Variants in ARAP2 observed in about 807,000 individuals in gnomAD.
ARAP2 encodes the protein arf-GAP with Rho-GAP domain, ANK repeat and PH domain-containing protein 2.
A neutral mutation model predicts 194.5 loss-of-function variants in ARAP2; 148 were observed. The ratio of observed to expected loss-of-function variants is 0.76; its 90% confidence interval spans 0.67 to 0.87. The LOEUF (loss-of-function observed/expected upper bound fraction) is 0.87, where lower values mean the gene tolerates loss of function less well. ARAP2 is among the 40% of genes least tolerant of loss of function. The probability of loss-of-function intolerance (pLI) is 0.00; values close to 1 mark genes in which losing one functional copy is unlikely to be tolerated. For missense variants in ARAP2, 2,128 were observed against 1,989.7 expected (o/e 1.07, Z -1.32); for synonymous variants, 695 against 683.5 (o/e 1.02, Z -0.26).
rs1414783155 is a variant in ARAP2, at chr4:36,229,591, G to GA, written c.-106dup. On this transcript the variant is annotated 5_prime_UTR_variant, in exon 2 of 33. Transcript: ENST00000303965. ...GGCTTTTCCTCTATCAATTGTGACA[G>GA]AAAAGTTTCTTAAAATGTTATTTTC... 2 of 878,042 alleles carry GA rather than the reference G, an allele frequency of 2.3e-6. No individual in the cohort carries two copies. The highest frequency in any genetic ancestry group is 3.4e-6 in the Non-Finnish European group (2 of 591,924). 54.4% of individuals were successfully genotyped at this position (878,042 alleles called of 1,614,324 possible).
intron 19 of ARAP2, among the ~76,000 whole-genome samples, chr4:36,140,778 C>T (rs1728130925): frequency 6.6e-6 from 1 of 151,570 alleles, no homozygotes; most frequent in East Asian, 1.9e-4. Flanking sequence ...AGTGTTTATT[C>T]CCCAGTATTA....
intron 6 of ARAP2, among the ~76,000 whole-genome samples, chr4:36,204,823 T>C (rs1476223541): frequency 1.3e-5 from 2 of 151,580 alleles, no homozygotes; most frequent in Admixed American, 6.6e-5. Flanking sequence ...ACCCCGTCTC[T>C]ACTAAAAATA....
intron 28 of ARAP2, among the ~76,000 whole-genome samples, chr4:36,085,146 T>C (rs1315461572): frequency 2.6e-5 from 4 of 152,204 alleles, no homozygotes; most frequent in Middle Eastern, 3.4e-3. Flanking sequence ...TTGCCTTGTC[T>C]TTTTAAATTA....
At chr4:36,020,801 T>C (rs1716798733) in intron 5 of ARAP2, among the ~76,000 whole-genome samples, 1 of 152,198 alleles carries the variant, frequency 6.6e-6, no homozygotes, top group African/African-American at 2.4e-5. Context: ...GGAGATGATA[T>C]CTAAGGCATG....
At chr4:36,169,739 G>T (rs565723138) in intron 9 of ARAP2, among the ~76,000 whole-genome samples, 1 of 152,146 alleles carries the variant, frequency 6.6e-6, no homozygotes, top group South Asian at 2.1e-4. Flanking sequence ...TCACCATGTT[G>T]GCCAAGATGG....
At chr4:36,188,504 C>T (rs968185202) in intron 7 of ARAP2, among the ~76,000 whole-genome samples, 2 of 152,022 alleles carry the variant, frequency 1.3e-5, no homozygotes, top group Non-Finnish European at 2.9e-5. Flanking sequence ...TTAATTTTAA[C>T]CAGATAGACA....
At chr4:36,086,614 G>T (rs1363886568) in intron 28 of ARAP2, among the ~76,000 whole-genome samples, 1 of 152,084 alleles carries the variant, frequency 6.6e-6, no homozygotes, top group African/African-American at 2.4e-5. Flanking sequence ...AACTTACAGA[G>T]AATTTCTCCA....
At chr4:36,020,419 A>G (rs73121794) in intron 5 of ARAP2, among the ~76,000 whole-genome samples, 13,373 of 143,488 alleles carry the variant, frequency 0.093, 1,360 homozygotes, top group African/African-American at 0.26. Flanking sequence ...CCCCGCCCCC[A>G]CCTAAAAAAA....
At chr4:36,087,319 T>C (rs1259227847) in intron 28 of ARAP2, among the ~76,000 whole-genome samples, 1 of 152,070 alleles carries the variant, frequency 6.6e-6, no homozygotes, top group Non-Finnish European at 1.5e-5. Context: ...TTTCAAAATG[T>C]AAAAATTAAA....
Position 36,149,369 on chromosome 4 carries a change from T to C in ARAP2, c.2898-862A>G, listed in dbSNP as rs530044235. Among the ~76,000 whole-genome samples the C allele has an allele frequency of 2.8e-4, 43 of 152,298 alleles. 1 individual carries two copies. In the South Asian group the frequency reaches 6.6e-3, roughly 23 times the overall value. On this transcript the variant is annotated intron_variant, in intron 16 of 32. Coordinates refer to ENST00000303965, the MANE Select transcript of ARAP2 (RefSeq NM_015230.4). ...CTTCCTCTAGTTAAATTCTCAACAA[T>C]TAGTCTCTCTTCCTCCAATCTCCTT...
intron 9 of ARAP2, among the ~76,000 whole-genome samples, chr4:36,171,982 C>T (rs1736770912): frequency 6.6e-6 from 1 of 151,862 alleles, no homozygotes; most frequent in Non-Finnish European, 1.5e-5. Context: ...CAGGGATAAG[C>T]CAAACTATCA....
At chr4:36,006,325 C>A (rs576669275) in intron 10 of ARAP2, 5 of 152,280 alleles carry the variant, frequency 3.3e-5, no homozygotes, top group Non-Finnish European at 7.4e-5. Context: ...GTGTCTTAGA[C>A]GTTTGGTGAG....
chr4:36,194,464 T>A (rs966787973), intron 6 of ARAP2, among the ~76,000 whole-genome samples: 1 of 152,150 alleles, frequency 6.6e-6, no homozygotes, highest in Admixed American at 6.5e-5. Context: ...TTTTAAAAAA[T>A]TTAAAAAATA....
At chr4:36,162,931 C>A (rs1315185186) in intron 11 of ARAP2, among the ~76,000 whole-genome samples, 2 of 151,938 alleles carry the variant, frequency 1.3e-5, no homozygotes, top group African/African-American at 4.8e-5. Context: ...GAGTGTGCAG[C>A]GTAGACAGTA....
rs1408479714 is a variant in ARAP2, at chr4:36,229,338, C to T, written c.149G>A (p.Gly50Glu). 6.2e-7 allele frequency: 1 copy of T among 1,613,926 alleles called. No individual in the cohort carries two copies. The highest frequency in any genetic ancestry group is 8.5e-7 in the Non-Finnish European group (1 of 1,179,984). Reference sequence around the variant, plus strand: ...CCTACGGTGACCTGTAGGTGATATTCCAATTTTCTGCAGCAGGCTGTCATT... The same window carrying T: ...CCTACGGTGACCTGTAGGTGATATTTCAATTTTCTGCAGCAGGCTGTCATT... ...AINDSLLQKI[G>E]ISPTGHRRRI... Residue 50 changes from glycine (G) to glutamate (E), a missense_variant, in exon 2 of 33, where the codon GGA becomes GAA. By Grantham distance (98) the Gly-to-Glu change is moderately conservative (BLOSUM62 -2). Coordinates refer to ENST00000303965, the MANE Select transcript of ARAP2 (RefSeq NM_015230.4).
chr4:36,080,174 A>G (rs1302456099), intron 31 of ARAP2, 42 bp downstream of exon 31: 3 of 1,530,624 alleles, frequency 2.0e-6, no homozygotes, highest in East Asian at 4.6e-5. Flanking sequence ...CCTGTAAACA[A>G]AGTTATTATA....
intron 1 of ARAP2, among the ~76,000 whole-genome samples, chr4:36,231,872 C>T (rs1751541225): frequency 6.6e-6 from 1 of 152,106 alleles, no homozygotes; most frequent in Non-Finnish European, 1.5e-5. Flanking sequence ...TATCTTGAAG[C>T]CCTAACCTTT....
intron 32 of ARAP2, among the ~76,000 whole-genome samples, chr4:36,070,201 T>C (rs903307240): frequency 2.0e-5 from 3 of 152,186 alleles, no homozygotes; most frequent in African/African-American, 7.2e-5. Context: ...GGAGATGTGA[T>C]AGAAGTGAAC....
At chr4:36,153,228 C>T (rs999150186) in intron 15 of ARAP2, among the ~76,000 whole-genome samples, 1 of 152,026 alleles carries the variant, frequency 6.6e-6, no homozygotes, top group Non-Finnish European at 1.5e-5. Context: ...GGCAGGTGCA[C>T]GTATTGTCTT....
Sources: allele counts gnomAD v4.1 joint callset (sites outside exome capture counted in the v4.1 genomes callset), GRCh38; gene constraint gnomAD v4.1.1; transcripts MANE v1.5; gene names NCBI Gene and HGNC (gene_info 2026-07-23, HGNC 2026-07-21).